LARP1: variants seen among roughly 807,000 people sequenced by gnomAD.
The protein encoded by LARP1 is La ribonucleoprotein 1, translational regulator.
Under a neutral mutation model 122.7 loss-of-function variants are expected in LARP1, and 36 were observed. The ratio of observed to expected loss-of-function variants is 0.29; its 90% CI spans 0.22 to 0.39. LARP1 has a LOEUF of 0.39. Among genes scored for constraint, LARP1 ranks in the 10% least tolerant of loss-of-function variants. LARP1 has a pLI of 1.00. For synonymous variants in LARP1, 539 were observed against 528.7 expected (o/e 1.02, Z -0.27); for missense variants, 1,040 against 1,403.6 (o/e 0.74, Z 4.14).
chr5:154,694,133 TG>T (rs1754362094), intron 1 of LARP1, among the ~76,000 whole-genome samples: 1 of 152,038 alleles, frequency 6.6e-6, no homozygotes, highest in Admixed American at 6.6e-5. Context: ...AAAAAAGTAA[TG>T]GGGAGGAGGT....
At position 154,811,540 on chromosome 5, in the gene LARP1, G is replaced by T; in HGVS notation, c.2981G>T (p.Trp994Leu). 1 of 1,614,202 alleles carries T rather than the reference G, an allele frequency of 6.2e-7. No homozygotes were observed. Among genetic ancestry groups the T allele is most frequent in the Non-Finnish European group, 8.5e-7 (1 of 1,180,044 alleles). The change falls in exon 18 of 19, where the codon TGG becomes TTG. Residue 994 changes from tryptophan to leucine, a missense_variant. Around this residue, in one of 8 missense-constraint regions of LARP1, gnomAD observed 129 missense variants for 160.8 expected, o/e 0.80. Coordinates refer to ENST00000518297, the MANE Select transcript of LARP1 (RefSeq NM_033551.3). ...CAACTGTATGGGCTGGAGAAGTTCTGGGCCTTCTTGAAATATTCCAAAGCC... is the reference window on the plus strand; with the variant it reads ...CAACTGTATGGGCTGGAGAAGTTCTTGGCCTTCTTGAAATATTCCAAAGCC... ...AGQLYGLEKF[W>L]AFLKYSKAKN...
chr5:154,754,259 T>C (rs1040151886), upstream of LARP1, among the ~76,000 whole-genome samples: 25 of 152,352 alleles, frequency 1.6e-4, no homozygotes, highest in Non-Finnish European at 7.3e-5. Context: ...GGGACTTTGT[T>C]AGCCTAGTTT....
chr5:154,799,808 C>A (rs754953187), intron 9 of LARP1, 49 bp downstream of exon 9: 1 of 1,611,872 alleles, frequency 6.2e-7, no homozygotes, highest in Non-Finnish European at 8.5e-7. Context: ...GGGCAACAGT[C>A]CTCCTCAGGG....
At chr5:154,772,619 TACA>T (rs1276039052) in intron 1 of LARP1, among the ~76,000 whole-genome samples, 21 of 152,200 alleles carry the variant, frequency 1.4e-4, no homozygotes. Context: ...AACAACAAAA[TACA>T]ACAATTATAA....
intron 1 of LARP1, among the ~76,000 whole-genome samples, chr5:154,764,608 A>C (rs997524551): frequency 6.7e-6 from 1 of 149,308 alleles, no homozygotes; most frequent in Non-Finnish European, 1.5e-5. Flanking sequence ...AAAAAAAAAA[A>C]AAAAAAAAAA....
intron 1 of LARP1, among the ~76,000 whole-genome samples, chr5:154,704,694 GAATA>G (rs1389563673): frequency 7.3e-6 from 1 of 137,724 alleles, no homozygotes; most frequent in Non-Finnish European, 1.6e-5. Context: ...AACTATAACA[GAATA>G]AATAGACAAC....
intron 1 of LARP1, among the ~76,000 whole-genome samples, chr5:154,756,988 G>A (rs1753989182): frequency 6.7e-6 from 1 of 149,444 alleles, no homozygotes; most frequent in African/African-American, 2.4e-5. Context: ...CTGGGCGGGC[G>A]GGTGACAGTT....
In LARP1 at chr5:154,802,067, C is replaced by G; in HGVS notation, c.1777C>G (p.Gln593Glu). The G allele has an allele frequency of 6.2e-7, 1 of 1,614,150 alleles. No homozygotes were observed. Among genetic ancestry groups the G allele is most frequent in the Non-Finnish European group, 8.5e-7 (1 of 1,180,006 alleles). Reference sequence around the variant, plus strand: ...TCTGCCTCAGCAGCTGCCTTCCCAGCAGCTGATGTCCAAGGATCAGGATGA... The same window carrying G: ...TCTGCCTCAGCAGCTGCCTTCCCAGGAGCTGATGTCCAAGGATCAGGATGA... ...TSLPQQLPSQ[Q>E]LMSKDQDEQE... is the part of the protein sequence containing the mutation. The change falls in exon 11 of 19, where the codon CAG (glutamine) becomes GAG (glutamate). Residue 593 changes from glutamine to glutamate, a missense_variant. Transcript: ENST00000518297. The surrounding 1 kb of genome is among the most constrained non-coding windows in gnomAD (Gnocchi z 5.1).
chr5:154,729,985 A>G (rs191217769), intron 1 of LARP1, among the ~76,000 whole-genome samples: 1 of 152,310 alleles, frequency 6.6e-6, no homozygotes, highest in East Asian at 1.9e-4. Flanking sequence ...GGCAGAAAGA[A>G]CCGTGTAGCT....
chr5:154,717,043 G>A (rs1755548072), intron 1 of LARP1, among the ~76,000 whole-genome samples: 1 of 138,050 alleles, frequency 7.2e-6, no homozygotes, highest in Non-Finnish European at 1.5e-5. Flanking sequence ...CTGGGTAAGA[G>A]AATGAGACCC....
intron 1 of LARP1, among the ~76,000 whole-genome samples, chr5:154,774,610 G>A (rs1273295794): frequency 6.6e-6 from 1 of 152,152 alleles, no homozygotes; most frequent in Admixed American, 6.5e-5. Flanking sequence ...TTTCCTCTGA[G>A]GTGGGATTGG....
intron 1 of LARP1, among the ~76,000 whole-genome samples, chr5:154,695,652 G>C (rs913272603): frequency 6.6e-6 from 1 of 150,582 alleles, no homozygotes; most frequent in South Asian, 2.1e-4. Flanking sequence ...GCAAGGCTCC[G>C]TCTCAAAAAA....
At chr5:154,764,595 CA>C (rs1158921641) in intron 1 of LARP1, among the ~76,000 whole-genome samples, 817 of 44,854 alleles carry the variant, frequency 0.018, 4 homozygotes, top group African/African-American at 0.074. Flanking sequence ...GACCATGTCT[CA>C]AAAAAAAAAA....
At chr5:154,764,548 C>CT (rs113872835) in intron 1 of LARP1, among the ~76,000 whole-genome samples, 126,037 of 141,080 alleles carry the variant, frequency 0.89, 56,803 homozygotes, top group African/African-American at 0.97. Flanking sequence ...CTATATTGAG[C>CT]AAGAGCCACT....
chr5:154,808,493 G>A lies in LARP1; in HGVS notation c.2733G>A (p.Glu911=). 1.2e-6 allele frequency: 2 copies of A among 1,613,810 alleles called. No individual in the cohort carries two copies. The change falls in exon 16 of 19, where the codon GAG becomes GAA. Residue 911 remains glutamate (E), a synonymous_variant. Coordinates refer to ENST00000518297, the MANE Select transcript of LARP1 (RefSeq NM_033551.3). ...RKRLGIGQSQ[E]MNTLFRFWSF... ...GCTTGGGCATTGGCCAGTCTCAGGA[G>A]ATGAACACACTCTTCCGCTTCTGGT...
At chr5:154,694,363 C>T (rs1274809973) in intron 1 of LARP1, among the ~76,000 whole-genome samples, 1 of 152,100 alleles carries the variant, frequency 6.6e-6, no homozygotes, top group African/African-American at 2.4e-5. Flanking sequence ...CTCAAGCCAT[C>T]CTCCCTCTTC....
chr5:154,733,404 A>G (rs933587348), intron 1 of LARP1, among the ~76,000 whole-genome samples: 2 of 152,148 alleles, frequency 1.3e-5, no homozygotes, highest in African/African-American at 4.8e-5. Flanking sequence ...TATGTTGCCC[A>G]AGGTGGTCTC....
intron 1 of LARP1, among the ~76,000 whole-genome samples, chr5:154,787,169 G>A (rs760977943): frequency 3.3e-5 from 5 of 152,190 alleles, no homozygotes; most frequent in Admixed American, 6.5e-5. Context: ...GTGAGCCACC[G>A]TGTCTGGCTA....
chr5:154,709,017 C>T (rs1344141314), upstream of LARP1, among the ~76,000 whole-genome samples: 1 of 152,200 alleles, frequency 6.6e-6, no homozygotes, highest in Non-Finnish European at 1.5e-5. Flanking sequence ...GGATTGCGTA[C>T]CACGGTGACT....
Sources: allele counts gnomAD v4.1 joint callset (sites outside exome capture counted in the v4.1 genomes callset), GRCh38; gene constraint gnomAD v4.1.1; regional missense constraint gnomAD v4.1.1; non-coding constraint Gnocchi (gnomAD v3.1); transcripts MANE v1.5; gene names NCBI Gene and HGNC (gene_info 2026-07-23, HGNC 2026-07-21).